ANAPC4: variants seen among roughly 807,000 people sequenced by gnomAD.
The protein encoded by ANAPC4 is anaphase promoting complex subunit 4.
A neutral mutation model predicts 119.8 loss-of-function variants in ANAPC4; 63 were observed. The observed-to-expected ratio is 0.53, with a 90% CI of 0.43 to 0.65. ANAPC4 has a LOEUF of 0.65. Ranked by LOEUF, ANAPC4 falls within the 30% of genes least tolerant of loss-of-function variation. ANAPC4 has a pLI of 0.00. For synonymous variants in ANAPC4, 283 were observed against 318.6 expected (o/e 0.89, Z 1.19); for missense variants, 716 against 945.1 (o/e 0.76, Z 3.18).
chr4:25,417,444 A>G, intron 27 of ANAPC4, 172 bp from the exon 28 acceptor site: 1 of 633,146 alleles, frequency 1.6e-6, no homozygotes, highest in East Asian at 3.4e-5. Flanking sequence ...TGGAATTTTT[A>G]TAGAATATTA....
At position 25,391,033 on chromosome 4, in the gene ANAPC4, A is replaced by G. The variant is rs181923576; in HGVS notation, c.705+18A>G. 2 of 1,528,888 alleles carry G rather than the reference A, an allele frequency of 1.3e-6. No individual in the cohort carries two copies. The highest frequency in any genetic ancestry group is 2.2e-5 in the East Asian group (1 of 44,492). 94.7% of individuals were successfully genotyped at this position (1,528,888 alleles called of 1,614,324 possible). On this transcript the variant is annotated intron_variant, in intron 9 of 28. Transcript: ENST00000315368. ...ACTTTCAGGTGAGTATTGGAACTTG[A>G]TAACGGTAGAGAGTAAATATGTATT...
intron 7 of ANAPC4, among the ~76,000 whole-genome samples, chr4:25,389,625 A>G (rs1175695777): frequency 1.3e-5 from 2 of 152,216 alleles, no homozygotes; most frequent in Admixed American, 1.3e-4. Context: ...CAAACAATAT[A>G]TAGACCTTAA....
intron 21 of ANAPC4, among the ~76,000 whole-genome samples, chr4:25,412,538 C>T (rs982392712): frequency 6.6e-6 from 1 of 151,838 alleles, no homozygotes; most frequent in Non-Finnish European, 1.5e-5. Flanking sequence ...GTGAGGTGGG[C>T]GGATCACTTG....
At chr4:25,394,582 T>G in intron 12 of ANAPC4, 89 bp from the exon 13 acceptor site, 1 of 1,382,704 alleles carries the variant, frequency 7.2e-7, no homozygotes, top group Non-Finnish European at 9.8e-7. Context: ...TTTTGTTTCT[T>G]GTTTGTGCTT....
chr4:25,399,181 T>C (rs538991093), intron 16 of ANAPC4, among the ~76,000 whole-genome samples: 51 of 152,300 alleles, frequency 3.3e-4, no homozygotes, highest in African/African-American at 1.1e-3. Context: ...GTGCGTATTT[T>C]CTAAGAATAA....
At chr4:25,384,619 A>C (rs931136542) in intron 4 of ANAPC4, among the ~76,000 whole-genome samples, 9 of 152,140 alleles carry the variant, frequency 5.9e-5, no homozygotes, top group Admixed American at 2.6e-4. Flanking sequence ...TCAGGAGTTC[A>C]AGACGAGCCT....
Position 25,388,823 on chromosome 4 carries a change from A to G in ANAPC4, c.471-15A>G, listed in dbSNP as rs764355801. The stretch of plus-strand genomic sequence containing the variant: ...ACAGAATTGAAAGATGACCCAATTT[A>G]CTTCTATATTTTAGTGAAGAAAATT... On this transcript the variant is annotated splice_polypyrimidine_tract_variant and intron_variant, in intron 6 of 28. Coordinates refer to ENST00000315368, the MANE Select transcript of ANAPC4 (RefSeq NM_013367.3). 9 of 1,604,352 alleles carry G rather than the reference A, an allele frequency of 5.6e-6. No individual in the cohort carries two copies. The South Asian group carries it at 1.0e-4, about 18-fold the overall frequency.
intron 4 of ANAPC4, among the ~76,000 whole-genome samples, chr4:25,388,231 A>G (rs956393544): frequency 2.0e-5 from 3 of 152,226 alleles, no homozygotes; most frequent in Non-Finnish European, 2.9e-5. Flanking sequence ...AATGCATTTC[A>G]TATGCTAAGA....
chr4:25,408,933 T>A (rs1189354946), intron 20 of ANAPC4, among the ~76,000 whole-genome samples: 2 of 152,192 alleles, frequency 1.3e-5, no homozygotes, highest in African/African-American at 4.8e-5. Context: ...AAAATAAAGT[T>A]AATAATTTAA....
intron 27 of ANAPC4, chr4:25,417,358 C>T: frequency 4.2e-6 from 1 of 236,374 alleles, no homozygotes; most frequent in Non-Finnish European, 8.1e-6. Flanking sequence ...TGGACTCAAG[C>T]AATCCTCCCA....
intron 21 of ANAPC4, among the ~76,000 whole-genome samples, chr4:25,411,100 T>A (rs1317601387): frequency 6.6e-6 from 1 of 152,202 alleles, no homozygotes; most frequent in Non-Finnish European, 1.5e-5. Context: ...GAACCTATTA[T>A]GTATTGCCAG....
intron 4 of ANAPC4, among the ~76,000 whole-genome samples, chr4:25,386,205 G>T (rs868209873): frequency 6.6e-6 from 1 of 151,598 alleles, no homozygotes; most frequent in Non-Finnish European, 1.5e-5. Context: ...AAGCCTCAGC[G>T]CCTGGCCTTA....
intron 26 of ANAPC4, 182 bp downstream of exon 26, chr4:25,415,722 G>C: frequency 1.8e-6 from 1 of 547,642 alleles, no homozygotes; most frequent in Non-Finnish European, 3.2e-6. Context: ...TGATTGAATA[G>C]AACCTTACTG....
At chr4:25,387,745 G>C (rs1182248623) in intron 4 of ANAPC4, among the ~76,000 whole-genome samples, 1 of 152,112 alleles carries the variant, frequency 6.6e-6, no homozygotes, top group Non-Finnish European at 1.5e-5. Context: ...GAAGGAAAAG[G>C]GGGTAAATAA....
In ANAPC4 at chr4:25,405,674, C is replaced by T. The variant is rs1333710878; in HGVS notation, c.1317+55C>T. The T allele has an allele frequency of 4.8e-5, 74 of 1,546,640 alleles. No homozygotes were observed. The highest frequency in any genetic ancestry group is 2.1e-5 in the Non-Finnish European group (24 of 1,122,092). On this transcript the variant is annotated intron_variant, in intron 18 of 28. Coordinates refer to ENST00000315368, the MANE Select transcript of ANAPC4 (RefSeq NM_013367.3). This position sits in a 1 kb window ranked among gnomAD's most constrained non-coding sequence, Gnocchi z 4.6. ...TTCACATTGTCCTGCTTGAACTCAG[C>T]TGTGCTGGTCATTTTGGTACTCTTA... is the stretch of plus-strand genomic sequence containing the variant.
At chr4:25,384,771 CCAACCTGGGTGA>C (rs1182108415) in intron 4 of ANAPC4, among the ~76,000 whole-genome samples, 3 of 151,116 alleles carry the variant, frequency 2.0e-5, no homozygotes, top group Non-Finnish European at 4.4e-5. Flanking sequence ...CCACTGCACT[CCAACCTGGGTGA>C]CAGAGTGACC....
intron 3 of ANAPC4, among the ~76,000 whole-genome samples, chr4:25,382,085 G>A (rs1721762739): frequency 6.6e-6 from 1 of 151,126 alleles, no homozygotes; most frequent in Non-Finnish European, 1.5e-5. Context: ...CAGTTATTTG[G>A]TGCATACCAT....
In ANAPC4 at chr4:25,412,539, G is replaced by A. The variant is rs972139668; in HGVS notation, c.1526-1106G>A. Among the ~76,000 whole-genome samples, 98 of 151,954 alleles carry A rather than the reference G, an allele frequency of 6.4e-4. 2 individuals are homozygous for A. Among genetic ancestry groups the A allele is most frequent in the Non-Finnish European group, 5.9e-5 (4 of 68,002 alleles). On this transcript the variant is annotated intron_variant, in intron 21 of 28. Coordinates refer to ENST00000315368, the MANE Select transcript of ANAPC4 (RefSeq NM_013367.3). Reference sequence around the variant, plus strand: ...AGCACTTTGGGAGGGTGAGGTGGGCGGATCACTTGAGATCAGGAGTTCGAG... The same window carrying A: ...AGCACTTTGGGAGGGTGAGGTGGGCAGATCACTTGAGATCAGGAGTTCGAG...
chr4:25,417,816 C>T, intron 28 of ANAPC4, 77 bp downstream of exon 28: 1 of 1,526,008 alleles, frequency 6.6e-7, no homozygotes, highest in Non-Finnish European at 8.8e-7. Context: ...TCATCAAATA[C>T]ATGATATATA....
Sources: gnomAD v4.1 joint callset for allele counts (sites outside exome capture counted in the v4.1 genomes callset) on GRCh38, gnomAD v4.1.1 for gene constraint, Gnocchi (gnomAD v3.1) non-coding constraint, MANE v1.5 for transcripts, NCBI Gene and HGNC (gene_info 2026-07-23, HGNC 2026-07-21) for gene names.